The following SIK3 variants were observed in gnomAD, a reference collection of about 807,000 sequenced individuals.
The protein encoded by SIK3 is serine/threonine-protein kinase SIK3.
SIK3 carries 28 observed loss-of-function variants against 144.2 expected under a neutral mutation model. The observed-to-expected ratio is 0.19, with a 90% CI of 0.14 to 0.27. SIK3 has a LOEUF of 0.27. Among genes scored for constraint, SIK3 ranks in the 10% least tolerant of loss-of-function variants. SIK3 has a pLI of 1.00. For synonymous variants in SIK3, 686 were observed against 676.3 expected (o/e 1.01, Z -0.22); for missense variants, 1,319 against 1,776.0 (o/e 0.74, Z 4.62).
At chr11:117,096,101 G>C (rs1271511771) in intron 1 of SIK3, among the ~76,000 whole-genome samples, 1 of 152,108 alleles carries the variant, frequency 6.6e-6, no homozygotes, top group Non-Finnish European at 1.5e-5. Flanking sequence ...TTAGAAAGCG[G>C]GCAGACCAGC....
intron 22 of SIK3, 136 bp from the exon 23 acceptor site, chr11:116,847,744 G>T: frequency 1.0e-6 from 1 of 1,002,140 alleles, no homozygotes; most frequent in Admixed American, 2.1e-5. Flanking sequence ...TTCCTCTAAA[G>T]CACCACCCAA....
At chr11:116,993,526 AT>A (rs1270602874) in intron 1 of SIK3, among the ~76,000 whole-genome samples, 2 of 152,112 alleles carry the variant, frequency 1.3e-5, no homozygotes, top group African/African-American at 4.8e-5. Flanking sequence ...TCTAAAAATG[AT>A]TTTTTTTCTT....
intron 1 of SIK3, among the ~76,000 whole-genome samples, chr11:116,964,151 G>A (rs945737258): frequency 6.6e-6 from 1 of 152,072 alleles, no homozygotes. Flanking sequence ...TGGGACTACA[G>A]GGACACACCA....
At position 116,956,957 on chromosome 11, in the gene SIK3, C is replaced by A; in HGVS notation, c.381G>T (p.Arg127Ser). The change falls in exon 2 of 25, where the codon AGG becomes AGT. Residue 127 changes from arginine (R) to serine (S), a missense_variant. Transcript: ENST00000445177. ...MKMLCHPHII[R>S]LYQVMETERM... is the part of the protein sequence containing the mutation. ...ACACTAATGATCCTACCTGGTAGAG[C>A]CTGATGATATGGGGGTGGCAAAGCA... The A allele has an allele frequency of 6.2e-7, 1 of 1,600,462 alleles. No homozygotes were observed.
intron 1 of SIK3, among the ~76,000 whole-genome samples, chr11:117,065,422 A>G (rs1953967305): frequency 6.6e-6 from 1 of 151,678 alleles, no homozygotes; most frequent in Admixed American, 6.6e-5. Flanking sequence ...TGAATTTTTC[A>G]TTTTTTTTAC....
chr11:116,883,955 T>C (rs144699396), intron 6 of SIK3, among the ~76,000 whole-genome samples: 1 of 152,014 alleles, frequency 6.6e-6, no homozygotes, highest in Admixed American at 6.6e-5. Flanking sequence ...ATGACATTTG[T>C]ATATATAAAT....
At chr11:117,013,957 TTC>T (rs1489581774) in intron 1 of SIK3, among the ~76,000 whole-genome samples, 1 of 90,394 alleles carries the variant, frequency 1.1e-5, no homozygotes, top group Non-Finnish European at 2.3e-5. Flanking sequence ...TGTGTTTTAT[TTC>T]TTTTTTTCTT....
Position 117,021,928 on chromosome 11 carries a change from C to CAAAAAAAAAAAAAAAAA in SIK3, c.274-64881_274-64865dup, listed in dbSNP as rs71037444. Among the ~76,000 whole-genome samples, 31 of 58,998 alleles carry CAAAAAAAAAAAAAAAAA rather than the reference C, an allele frequency of 5.3e-4. 4 individuals are homozygous for CAAAAAAAAAAAAAAAAA. Among genetic ancestry groups the CAAAAAAAAAAAAAAAAA allele is most frequent in the Non-Finnish European group, 6.3e-4 (17 of 27,102 alleles). The allele number at this position is 58,998 out of a possible 152,430, so 38.7% of individuals were successfully genotyped here. A position where few individuals can be genotyped will look rare whatever the true frequency, so the allele number is the denominator to read the frequency against. The stretch of plus-strand genomic sequence containing the variant: ...ATAGCACAGTGAGCCTCTGTCTCTA[C>CAAAAAAAAAAAAAAAAA]AAAAAAAAAAAAAAAAAAAAAAAAA... On this transcript the variant is annotated intron_variant, in intron 1 of 24. Coordinates refer to ENST00000445177, the MANE Select transcript of SIK3 (RefSeq NM_001366686.3).
chr11:116,877,114 C>T, intron 6 of SIK3, 72 bp from the exon 7 acceptor site: 1 of 1,320,808 alleles, frequency 7.6e-7, no homozygotes, highest in Non-Finnish European at 1.1e-6. Context: ...GAACCAGGGG[C>T]AAAGCCAGCA....
intron 1 of SIK3, among the ~76,000 whole-genome samples, chr11:117,010,228 C>A (rs1423801490): frequency 1.3e-5 from 2 of 152,118 alleles, no homozygotes; most frequent in African/African-American, 4.8e-5. Context: ...GGCTCCAATG[C>A]ATTCAGAATT....
In SIK3 at chr11:116,936,744, G is replaced by A. The variant is rs1202958191; in HGVS notation, c.455-9364C>T. Among the ~76,000 whole-genome samples, 9 of 152,210 alleles carry A rather than the reference G, an allele frequency of 5.9e-5. No individual in the cohort carries two copies. In the South Asian group the frequency reaches 6.2e-4, roughly 11 times the overall value. The stretch of plus-strand genomic sequence containing the variant: ...GTTATTCTAACACATTTCTTTGGTC[G>A]TGTCATTCATTTAACTTAGAACTTT... On this transcript the variant is annotated intron_variant, in intron 3 of 24. Transcript: ENST00000445177.
At chr11:116,976,953 G>A (rs1442551538) in intron 1 of SIK3, among the ~76,000 whole-genome samples, 4 of 152,118 alleles carry the variant, frequency 2.6e-5, no homozygotes, top group African/African-American at 7.2e-5. Context: ...TCATCCAGCT[G>A]ATTTATTAAT....
At chr11:116,989,738 A>G (rs1317549726) in intron 1 of SIK3, among the ~76,000 whole-genome samples, 1 of 152,178 alleles carries the variant, frequency 6.6e-6, no homozygotes, top group Non-Finnish European at 1.5e-5. Context: ...ACTACTGTGG[A>G]CTTCCAAATT....
At chr11:116,872,044 G>A (rs930741948) in intron 13 of SIK3, among the ~76,000 whole-genome samples, 1 of 152,050 alleles carries the variant, frequency 6.6e-6, no homozygotes, top group Non-Finnish European at 1.5e-5. Flanking sequence ...CAAAGGACAT[G>A]GGAATAGGGC....
intron 1 of SIK3, among the ~76,000 whole-genome samples, chr11:117,089,173 A>C (rs1429207776): frequency 6.6e-6 from 1 of 151,990 alleles, no homozygotes; most frequent in Non-Finnish European, 1.5e-5. Flanking sequence ...TGGGAGGCTG[A>C]GGCGGGCAGA....
chr11:116,972,079 T>G (rs1457099816), intron 1 of SIK3, among the ~76,000 whole-genome samples: 2 of 140,652 alleles, frequency 1.4e-5, no homozygotes, highest in Non-Finnish European at 3.0e-5. Flanking sequence ...AGAGCGAGAC[T>G]CGGTCTCAAA....
intron 1 of SIK3, among the ~76,000 whole-genome samples, chr11:117,041,997 C>T (rs1249429977): frequency 2.6e-5 from 4 of 152,022 alleles, no homozygotes; most frequent in African/African-American, 7.2e-5. Context: ...TTTCCCTTTA[C>T]TGGCCCACTT....
intron 1 of SIK3, among the ~76,000 whole-genome samples, chr11:117,087,374 C>T (rs1203788613): frequency 6.6e-6 from 1 of 151,990 alleles, no homozygotes; most frequent in African/African-American, 2.4e-5. Context: ...ACCCAGGAGG[C>T]GGAGGTTGCA....
chr11:116,856,547 C>T (rs1942941639), intron 21 of SIK3, among the ~76,000 whole-genome samples: 1 of 152,208 alleles, frequency 6.6e-6, no homozygotes, highest in Admixed American at 6.5e-5. Context: ...AACCATTCCA[C>T]CTATGATCTG....
Sources: allele counts gnomAD v4.1 joint callset (sites outside exome capture counted in the v4.1 genomes callset), GRCh38; gene constraint gnomAD v4.1.1; transcripts MANE v1.5; gene names NCBI Gene and HGNC (gene_info 2026-07-23, HGNC 2026-07-21).